The following GOLGB1 variants were observed in gnomAD, a reference collection of about 807,000 sequenced individuals.
GOLGB1 encodes golgin subfamily B member 1.
Under a neutral mutation model 336.9 loss-of-function variants are expected in GOLGB1, and 174 were observed. The observed-to-expected ratio is 0.52, with a 90% CI of 0.46 to 0.59. The LOEUF is 0.59. Ranked by LOEUF, GOLGB1 falls within the 20% of genes least tolerant of loss-of-function variation. The probability of loss-of-function intolerance (pLI) is 0.00; values close to 1 mark genes in which losing one functional copy is unlikely to be tolerated. For synonymous variants in GOLGB1, 1,208 were observed against 1,289.2 expected (o/e 0.94, Z 1.35); for missense variants, 3,331 against 3,645.3 (o/e 0.91, Z 2.22).
chr3:121,673,686 G>GCTATCTATCTAT (rs59292082), intron 17 of GOLGB1, among the ~76,000 whole-genome samples: 74 of 145,564 alleles, frequency 5.1e-4, no homozygotes, highest in South Asian at 6.6e-4. Context: ...AAATGGGATT[G>GCTATCTATCTAT]CTATCTATCT....
intron 15 of GOLGB1, 89 bp downstream of exon 15, chr3:121,681,598 C>A (rs760090423): frequency 3.7e-5 from 33 of 885,790 alleles, no homozygotes; most frequent in Non-Finnish European, 5.4e-5. Context: ...TACATAGAAG[C>A]TCTCTGCACT....
At chr3:121,734,933 C>T (rs1193561460) in intron 1 of GOLGB1, among the ~76,000 whole-genome samples, 1 of 152,212 alleles carries the variant, frequency 6.6e-6, no homozygotes, top group Non-Finnish European at 1.5e-5. Flanking sequence ...AACTGTAGCA[C>T]ATCCAAACAA....
intron 15 of GOLGB1, among the ~76,000 whole-genome samples, chr3:121,679,649 G>A (rs1393515470): frequency 1.3e-5 from 2 of 152,160 alleles, no homozygotes; most frequent in Non-Finnish European, 2.9e-5. Context: ...ACAAAGACCT[G>A]GTAGATAAGC....
chr3:121,689,452 G>A (rs1192731633), intron 14 of GOLGB1, among the ~76,000 whole-genome samples: 1 of 148,090 alleles, frequency 6.8e-6, no homozygotes, highest in Non-Finnish European at 1.5e-5. Flanking sequence ...CTTGAAGGCA[G>A]CATGCTCGTT....
Position 121,692,577 on chromosome 3 carries a change from C to A in GOLGB1, c.6787G>T (p.Glu2263Ter). ...GACTCCCAAATCTGCTTGTCATGTT[C>A]AAGCCTGAAACAGAGAGAAGGTCAT... ...EELKINISRL[E>*]HDKQIWESKA... is the part of the protein sequence containing the mutation. The change falls in exon 14 of 22, where the codon GAA becomes TAA. Residue 2263 changes from glutamate to a stop codon, truncating the protein, a stop_gained. Transcript: ENST00000614479. LOFTEE classifies it high-confidence loss of function. 1 of 1,562,950 alleles carries A rather than the reference C, an allele frequency of 6.4e-7. No individual in the cohort carries two copies. Among genetic ancestry groups the A allele is most frequent in the Non-Finnish European group, 8.6e-7 (1 of 1,159,018 alleles).
At chr3:121,722,000 G>GA in intron 6 of GOLGB1, among the ~76,000 whole-genome samples, 1 of 152,272 alleles carries the variant, frequency 6.6e-6, no homozygotes, top group African/African-American at 2.4e-5. Flanking sequence ...GCAGAACTAA[G>GA]AAACAGTCAT....
At chr3:121,687,427 GA>G (rs1400152138) in intron 14 of GOLGB1, among the ~76,000 whole-genome samples, 1 of 152,208 alleles carries the variant, frequency 6.6e-6, no homozygotes, top group African/African-American at 2.4e-5. Flanking sequence ...AAATACTGGT[GA>G]GATGATAACC....
At position 121,707,904 on chromosome 3, in the gene GOLGB1, C is replaced by T. The variant is rs149401850; in HGVS notation, c.1405-5309G>A. ...GGATTGGCAATCTCTGATCTACAAA[C>T]GAAGAATGAAAAGTACCAGAAATGG... On this transcript the variant is annotated intron_variant, in intron 10 of 21. Transcript: ENST00000614479. Among the ~76,000 whole-genome samples, 84 of 152,164 alleles carry T rather than the reference C, an allele frequency of 5.5e-4. 1 individual carries two copies. In the East Asian group the frequency reaches 0.011, roughly 20 times the overall value.
At chr3:121,700,013 G>A in intron 11 of GOLGB1, 128 bp from the exon 12 acceptor site, 1 of 581,640 alleles carries the variant, frequency 1.7e-6, no homozygotes, top group South Asian at 2.4e-5. Flanking sequence ...GCTTGGGAGA[G>A]GTGAAAGCCT....
Position 121,694,843 on chromosome 3 carries a change from C to T in GOLGB1, c.5680G>A (p.Glu1894Lys). Residue 1894 changes from glutamate (E) to lysine (K), a missense_variant, in exon 13 of 22, where the codon GAG becomes AAG. Glu to Lys is a moderately conservative substitution (Grantham distance 56, BLOSUM62 1). Coordinates refer to ENST00000614479, the MANE Select transcript of GOLGB1 (RefSeq NM_001366282.2). ...TKDGELKMLQ[E>K]EVTKMNLLNQ... Reference sequence around the variant, plus strand: ...AACAGGTTCATTTTGGTTACTTCCTCCTGAAGCATTTTTAGTTCACCATCC... The same window carrying T: ...AACAGGTTCATTTTGGTTACTTCCTTCTGAAGCATTTTTAGTTCACCATCC... 1.2e-6 allele frequency: 2 copies of T among 1,613,836 alleles called. No homozygotes were observed. Among genetic ancestry groups the T allele is most frequent in the South Asian group, 2.2e-5 (2 of 91,060 alleles).
In GOLGB1 at chr3:121,697,417, C is replaced by G. The variant is rs770087482; in HGVS notation, c.3106G>C (p.Glu1036Gln). The G allele has an allele frequency of 6.2e-7, 1 of 1,610,412 alleles. No individual in the cohort carries two copies. Among genetic ancestry groups the G allele is most frequent in the South Asian group, 1.1e-5 (1 of 90,720 alleles). ...TCTTCCACTTCTCCCCTCTCAGTCT[C>G]ACTGAGTGGGATTTCTTTCTTAGAT... The part of the protein sequence containing the change: ...DESKKEIPLS[E>Q]TERGEVEEDK... The change falls in exon 13 of 22, where the codon GAG (glutamate) becomes CAG (glutamine). Residue 1036 changes from glutamate (E) to glutamine (Q), a missense_variant. Physicochemically the swap from Glu to Gln is conservative, Grantham distance 29. Transcript: ENST00000614479.
At chr3:121,745,891 T>C (rs1182718694) in intron 1 of GOLGB1, among the ~76,000 whole-genome samples, 14 of 152,212 alleles carry the variant, frequency 9.2e-5, no homozygotes, top group Non-Finnish European at 1.5e-5. Flanking sequence ...AAGTCTTCAC[T>C]GTTATCAATG....
chr3:121,701,132 A>G (rs1943368816), intron 11 of GOLGB1, among the ~76,000 whole-genome samples: 1 of 152,194 alleles, frequency 6.6e-6, no homozygotes, highest in South Asian at 2.1e-4. Flanking sequence ...TGAAAACAAC[A>G]TGACATACAA....
intron 15 of GOLGB1, among the ~76,000 whole-genome samples, chr3:121,679,167 A>C (rs775220899): frequency 6.6e-6 from 1 of 152,212 alleles, no homozygotes; most frequent in Non-Finnish European, 1.5e-5. Context: ...TCAGAAAATC[A>C]GAAATACTTC....
At chr3:121,704,655 A>C (rs1943664645) in intron 10 of GOLGB1, among the ~76,000 whole-genome samples, 2 of 152,042 alleles carry the variant, frequency 1.3e-5, no homozygotes, top group South Asian at 2.1e-4. Flanking sequence ...TCACGCCTGT[A>C]ATCCCAGCTA....
At chr3:121,679,927 G>T (rs752074229) in intron 15 of GOLGB1, among the ~76,000 whole-genome samples, 3 of 152,170 alleles carry the variant, frequency 2.0e-5, no homozygotes, top group Non-Finnish European at 2.9e-5. Flanking sequence ...ATCAAGTGGG[G>T]ATTCTGGACT....
chr3:121,665,197 G>A (rs1364194024), intron 20 of GOLGB1, among the ~76,000 whole-genome samples, 166 bp from the exon 21 acceptor site: 2 of 152,220 alleles, frequency 1.3e-5, no homozygotes, highest in Admixed American at 6.5e-5. Context: ...CAGCAGATAC[G>A]TTTCCTTCAG....
Position 121,677,460 on chromosome 3 carries a change from A to C in GOLGB1, c.8874-10T>G, listed in dbSNP as rs1399897023. 6.3e-7 allele frequency: 1 copy of C among 1,594,800 alleles called. No homozygotes were observed. Among genetic ancestry groups the C allele is most frequent in the African/African-American group, 1.3e-5 (1 of 74,468 alleles). On this transcript the variant is annotated splice_polypyrimidine_tract_variant and intron_variant, in intron 15 of 21. Transcript: ENST00000614479. ...GGAACTCTTCTCCATCCTAGAAAAA[A>C]CATGACACAATCACAGGTAAAAATA...
intron 5 of GOLGB1, among the ~76,000 whole-genome samples, chr3:121,725,370 C>A (rs1348085722): frequency 6.6e-6 from 1 of 152,164 alleles, no homozygotes; most frequent in Non-Finnish European, 1.5e-5. Flanking sequence ...GAAGATTATT[C>A]TGGAATTTTA....
Sources: gnomAD v4.1 joint callset for allele counts (sites outside exome capture counted in the v4.1 genomes callset) on GRCh38, gnomAD v4.1.1 for gene constraint, MANE v1.5 for transcripts, NCBI Gene and HGNC (gene_info 2026-07-23, HGNC 2026-07-21) for gene names.